Variants in CFAP57 observed in about 807,000 individuals in gnomAD.
The protein encoded by CFAP57 is cilia and flagella associated protein 57.
A neutral mutation model predicts 146.8 loss-of-function variants in CFAP57; 116 were observed. The observed-to-expected ratio is 0.79, with a 90% CI of 0.68 to 0.92. The LOEUF (loss-of-function observed/expected upper bound fraction) is 0.92. Among genes scored for constraint, CFAP57 ranks in the 40% least tolerant of loss-of-function variants. The pLI is 0.00. For synonymous variants in CFAP57, 518 were observed against 552.8 expected (o/e 0.94, Z 0.88); for missense variants, 1,377 against 1,527.2 (o/e 0.90, Z 1.64).
rs1236002448 is a variant in CFAP57, at chr1:43,227,027, G to A, written c.2910G>A (p.Gly970=). The A allele has an allele frequency of 1.3e-6, 2 of 1,532,362 alleles. No individual in the cohort carries two copies. The highest frequency in any genetic ancestry group is 2.5e-5 in the South Asian group (2 of 80,630). 94.9% of individuals were successfully genotyped at this position (1,532,362 alleles called of 1,614,324 possible). ...YDLKKKNQEL[G]KFKFVLDYKI... is the part of the protein sequence containing the mutation. ...TGAAAAAGAAAAATCAAGAACTAGG[G>A]AAATTCAAGTTTGTGCTTGACTACA... Residue 970 remains glycine (G), a synonymous_variant, in exon 18 of 23, where the codon GGG becomes GGA. Transcript: ENST00000372492.
Position 43,253,913 on chromosome 1 carries a change from G to A in CFAP57, c.3539-64G>A, listed in dbSNP as rs973572309. Reference sequence around the variant, plus strand: ...TGTTTGAGGAAGCAGGGAGGGAGGAGGGGAGGATCGGCTCTGCAGCAGTGC... The same window carrying A: ...TGTTTGAGGAAGCAGGGAGGGAGGAAGGGAGGATCGGCTCTGCAGCAGTGC... On this transcript the variant is annotated intron_variant, in intron 22 of 22. Transcript: ENST00000372492. The A allele has an allele frequency of 1.7e-5, 24 of 1,401,066 alleles. No individual in the cohort carries two copies. In the Admixed American group the frequency reaches 4.8e-4, roughly 28 times the overall value. 86.8% of individuals were successfully genotyped at this position (1,401,066 alleles called of 1,614,324 possible). A position where few individuals can be genotyped will look rare whatever the true frequency, so the allele number is the denominator to read the frequency against.
intron 11 of CFAP57, among the ~76,000 whole-genome samples, chr1:43,213,069 T>G (rs192005777): frequency 1.2e-3 from 186 of 152,218 alleles, no homozygotes; most frequent in African/African-American, 4.3e-3. Flanking sequence ...CATGCCACTC[T>G]CTACTTCCAT....
Position 43,197,630 on chromosome 1 carries a change from C to T in CFAP57, c.1200C>T (p.Arg400=). Residue 400 remains arginine (R), a synonymous_variant, in exon 7 of 23, where the codon CGC becomes CGT. Coordinates refer to ENST00000372492, the MANE Select transcript of CFAP57 (RefSeq NM_001378189.1). Reference sequence around the variant, plus strand: ...TCACCGGTCTAGCTACCTGCATCCGCAAACCCCTTATAGCCACCTGTTCTC... The same window carrying T: ...TCACCGGTCTAGCTACCTGCATCCGTAAACCCCTTATAGCCACCTGTTCTC... ...APITGLATCI[R]KPLIATCSLD... The T allele has an allele frequency of 6.2e-7, 1 of 1,614,164 alleles. No homozygotes were observed. The highest frequency in any genetic ancestry group is 8.5e-7 in the Non-Finnish European group (1 of 1,180,040).
Position 43,175,014 on chromosome 1 carries a change from T to G in CFAP57, c.157+2104T>G, listed in dbSNP as rs114788561. ...TGTATTAATAAATTCTCCCAGTTTT[T>G]GTCTGAAAATGACTTTATTTTATCC... On this transcript the variant is annotated intron_variant, in intron 2 of 22. Coordinates refer to ENST00000372492, the MANE Select transcript of CFAP57 (RefSeq NM_001378189.1). Among the ~76,000 whole-genome samples, 729 of 152,340 alleles carry G rather than the reference T, an allele frequency of 4.8e-3. 4 individuals are homozygous for G. The highest frequency in any genetic ancestry group is 0.017 in the African/African-American group (695 of 41,570).
intron 9 of CFAP57, among the ~76,000 whole-genome samples, chr1:43,200,984 T>G (rs1644097621): frequency 6.6e-6 from 1 of 152,164 alleles, no homozygotes; most frequent in Admixed American, 6.5e-5. Context: ...GAAAGCTGGG[T>G]TAGGAACTAA....
rs746402770 is a variant in CFAP57 at position 43,183,657 on chromosome 1, C to T, written c.541C>T (p.Arg181Cys). 44 of 1,614,038 alleles carry T rather than the reference C, an allele frequency of 2.7e-5. No homozygotes were observed. The highest frequency in any genetic ancestry group is 8.0e-5 in the African/African-American group (6 of 74,900). Reference sequence around the variant, plus strand: ...TGGAAATGGGATGTTTAAGCTTCTCCGTTTTGCTGAGGGAACCCTGAAGCA... The same window carrying T: ...TGGAAATGGGATGTTTAAGCTTCTCTGTTTTGCTGAGGGAACCCTGAAGCA... ...VTGNGMFKLL[R>C]FAEGTLKQTS... Residue 181 changes from arginine (R) to cysteine (C), a missense_variant, in exon 4 of 23, where the codon CGT (arginine) becomes TGT (cysteine). Physicochemically the swap from Arg to Cys is radical, Grantham distance 180. Coordinates refer to ENST00000372492, the MANE Select transcript of CFAP57 (RefSeq NM_001378189.1).
chr1:43,211,901 TCTC>T (rs1203696225), intron 11 of CFAP57, among the ~76,000 whole-genome samples: 2 of 152,242 alleles, frequency 1.3e-5, no homozygotes, highest in South Asian at 2.1e-4. Context: ...TCTCTGATTC[TCTC>T]CTAAGACTAA....
intron 9 of CFAP57, among the ~76,000 whole-genome samples, chr1:43,204,740 G>A (rs910096704): frequency 3.9e-5 from 6 of 152,162 alleles, no homozygotes; most frequent in African/African-American, 1.4e-4. Flanking sequence ...TTTATGTGTG[G>A]CTTGGAAAAT....
In CFAP57 at chr1:43,222,794, C is replaced by T; in HGVS notation, c.2533-30C>T. The T allele has an allele frequency of 2.6e-6, 4 of 1,511,110 alleles. No individual in the cohort carries two copies. In the East Asian group the frequency reaches 9.9e-5, roughly 37 times the overall value. The allele number at this position is 1,511,110 out of a possible 1,614,324, so 93.6% of individuals were successfully genotyped here. A position where few individuals can be genotyped will look rare whatever the true frequency, so the allele number is the denominator to read the frequency against. ...CAAAGATGTGTGAGTCCCTTCTCCC[C>T]TGACCACACGCCCACTCTCTCTGAG... On this transcript the variant is annotated intron_variant, in intron 15 of 22. Transcript: ENST00000372492.
intron 21 of CFAP57, among the ~76,000 whole-genome samples, chr1:43,240,457 G>T (rs1011086621): frequency 6.6e-6 from 1 of 152,212 alleles, no homozygotes; most frequent in African/African-American, 2.4e-5. Flanking sequence ...GGCCTTGAGG[G>T]TTCAGACAGT....
At position 43,254,352 on chromosome 1, in the gene CFAP57, G is replaced by A. The variant is rs1230426999; in HGVS notation, c.*161G>A. 1.9e-5 allele frequency: 12 copies of A among 633,412 alleles called. No homozygotes were observed. The highest frequency in any genetic ancestry group is 2.6e-6 in the Non-Finnish European group (1 of 379,262). 39.2% of individuals were successfully genotyped at this position (633,412 alleles called of 1,614,324 possible). On this transcript the variant is annotated 3_prime_UTR_variant, in exon 23 of 23. Coordinates refer to ENST00000372492, the MANE Select transcript of CFAP57 (RefSeq NM_001378189.1). ...TTTGGGACACAGAATAAAGGTGTTT[G>A]CCCACACCTTGTCTAACTTCTGCTT...
chr1:43,174,518 C>A (rs1351551969), intron 2 of CFAP57, among the ~76,000 whole-genome samples: 2 of 152,072 alleles, frequency 1.3e-5, no homozygotes, highest in African/African-American at 2.4e-5. Flanking sequence ...TGATTAGGGG[C>A]AATAAAAATG....
At chr1:43,176,980 T>A in intron 2 of CFAP57, 1 of 342,412 alleles carries the variant, frequency 2.9e-6, no homozygotes, top group South Asian at 2.2e-5. Context: ...AACCGGGGGG[T>A]GAGGAGCAAG....
At chr1:43,187,774 T>C (rs1643240334) in intron 6 of CFAP57, among the ~76,000 whole-genome samples, 1 of 152,202 alleles carries the variant, frequency 6.6e-6, no homozygotes, top group South Asian at 2.1e-4. Flanking sequence ...GTGTGGACTT[T>C]TATGACTGGC....
At chr1:43,187,231 A>G (rs952060800) in intron 6 of CFAP57, among the ~76,000 whole-genome samples, 2 of 152,240 alleles carry the variant, frequency 1.3e-5, no homozygotes, top group Non-Finnish European at 2.9e-5. Context: ...TTGGAATAAC[A>G]AAGAAAGCTA....
chr1:43,251,369 C>G (rs1330246731), intron 22 of CFAP57, among the ~76,000 whole-genome samples: 1 of 152,168 alleles, frequency 6.6e-6, no homozygotes, highest in African/African-American at 2.4e-5. Flanking sequence ...GGTAAGAAAA[C>G]AAGAACTAGG....
At chr1:43,174,570 C>A (rs140825683) in intron 2 of CFAP57, among the ~76,000 whole-genome samples, 1 of 152,306 alleles carries the variant, frequency 6.6e-6, no homozygotes, top group East Asian at 1.9e-4. Context: ...GTAATTCCAG[C>A]ACTTTGGGAG....
intron 2 of CFAP57, among the ~76,000 whole-genome samples, chr1:43,175,632 C>T (rs1406273002): frequency 1.3e-5 from 2 of 151,962 alleles, no homozygotes; most frequent in Non-Finnish European, 2.9e-5. Flanking sequence ...CCACCTTAAC[C>T]TCCTGAATAG....
chr1:43,198,622 A>C lies in CFAP57; in HGVS notation c.1404A>C (p.Glu468Asp), dbSNP rs778019949. 6.2e-7 allele frequency: 1 copy of C among 1,613,488 alleles called. No homozygotes were observed. The highest frequency in any genetic ancestry group is 8.5e-7 in the Non-Finnish European group (1 of 1,179,922). Residue 468 changes from glutamate (E) to aspartate (D), a missense_variant, in exon 8 of 23, where the codon GAA becomes GAC. Physicochemically the swap from Glu to Asp is conservative, Grantham distance 45 (BLOSUM62 2). Coordinates refer to ENST00000372492, the MANE Select transcript of CFAP57 (RefSeq NM_001378189.1). Reference sequence around the variant, plus strand: ...TTGATGATATACGTTCTTTCAAAGAATACTCTGTTAGAGGATGCGGAGAGG... The same window carrying C: ...TTGATGATATACGTTCTTTCAAAGACTACTCTGTTAGAGGATGCGGAGAGG... ...LLIDDIRSFK[E>D]YSVRGCGECS...
Sources: gnomAD v4.1 joint callset for allele counts (sites outside exome capture counted in the v4.1 genomes callset) on GRCh38, gnomAD v4.1.1 for gene constraint, MANE v1.5 for transcripts, NCBI Gene and HGNC (gene_info 2026-07-23, HGNC 2026-07-21) for gene names.